TMEM184B: variants seen among roughly 807,000 people sequenced by gnomAD.
TMEM184B encodes the protein putative MAPK-activating protein FM08.
A neutral mutation model predicts 41.8 loss-of-function variants in TMEM184B; 17 were observed. That is an observed-to-expected ratio of 0.41 (90% CI 0.28 to 0.61). The LOEUF is 0.61. Among genes scored for constraint, TMEM184B ranks in the 20% least tolerant of loss-of-function variants. TMEM184B has a pLI of 0.34. For missense variants in TMEM184B, 393 were observed against 557.8 expected, an observed-to-expected ratio of 0.70 and a Z score of 2.98; for synonymous variants, 240 against 229.5, an observed-to-expected ratio of 1.05 and a Z score of -0.41.
intron 3 of TMEM184B, 84 bp downstream of exon 3, chr22:38,245,851 A>T: frequency 1.4e-6 from 2 of 1,393,342 alleles, no homozygotes; most frequent in Non-Finnish European, 2.0e-6. Context: ...GTCCTCATGA[A>T]GCCCCTCGGG....
chr22:38,225,601 AC>A lies in TMEM184B; in HGVS notation c.618-9del, dbSNP rs775150680. 2.5e-6 allele frequency: 4 copies of A among 1,601,472 alleles called. No individual in the cohort carries two copies. The East Asian group carries it at 9.1e-5, about 37-fold the overall frequency. On this transcript the variant is annotated splice_polypyrimidine_tract_variant and intron_variant, in intron 6 of 8. Transcript: ENST00000361906. This position sits in a 1 kb window ranked among gnomAD's most constrained non-coding sequence, Gnocchi z 4.4. Reference sequence around the variant, plus strand: ...AGGTAGCCACTGGTGACGCTGCGGGACGGGGAGCATTTTCTGGCTGGGACAG... The same window carrying A: ...AGGTAGCCACTGGTGACGCTGCGGGAGGGGAGCATTTTCTGGCTGGGACAG...
At chr22:38,250,202 G>A (rs924477017) in intron 1 of TMEM184B, among the ~76,000 whole-genome samples, 3 of 152,252 alleles carry the variant, frequency 2.0e-5, no homozygotes, top group African/African-American at 4.8e-5. Flanking sequence ...CTGGCCCCGC[G>A]ATGCAGAGGA....
chr22:38,219,755 C>T lies in TMEM184B; in HGVS notation c.*1714G>A, dbSNP rs777986621. 10 of 985,600 alleles carry T rather than the reference C, an allele frequency of 1.0e-5. No individual in the cohort carries two copies. Among genetic ancestry groups the T allele is most frequent in the Non-Finnish European group, 1.2e-5 (10 of 830,136 alleles). 61.1% of individuals were successfully genotyped at this position (985,600 alleles called of 1,614,324 possible). On this transcript the variant is annotated 3_prime_UTR_variant, in exon 9 of 9. Transcript: ENST00000361906. ...AAGGGAAGCCACGGTGGAGAGACAG[C>T]TTGGTGAAAGCAGATGGCGGGGCAG...
At chr22:38,267,984 T>C (rs1396559739) in intron 1 of TMEM184B, among the ~76,000 whole-genome samples, 1 of 152,164 alleles carries the variant, frequency 6.6e-6, no homozygotes, top group Non-Finnish European at 1.5e-5. Flanking sequence ...CGTGAACAAA[T>C]GCTACCTGGG....
intron 1 of TMEM184B, among the ~76,000 whole-genome samples, chr22:38,260,077 A>G (rs1286023858): frequency 6.6e-6 from 1 of 151,596 alleles, no homozygotes; most frequent in Non-Finnish European, 1.5e-5. Context: ...CGTCCTGCTA[A>G]TTTTGTATTC....
intron 1 of TMEM184B, among the ~76,000 whole-genome samples, chr22:38,248,515 CT>C (rs1181557694): frequency 1.3e-5 from 2 of 152,264 alleles, no homozygotes; most frequent in Non-Finnish European, 2.9e-5. Flanking sequence ...CCCACCCTTC[CT>C]TTAGGTCTCT....
At chr22:38,244,214 A>G (rs899574620) in intron 3 of TMEM184B, among the ~76,000 whole-genome samples, 1 of 152,094 alleles carries the variant, frequency 6.6e-6, no homozygotes, top group African/African-American at 2.4e-5. Context: ...TTCAACGTGG[A>G]GAGGAAGAGA....
intron 1 of TMEM184B, among the ~76,000 whole-genome samples, chr22:38,252,486 C>A (rs1041841744): frequency 6.6e-6 from 1 of 152,214 alleles, no homozygotes; most frequent in Non-Finnish European, 1.5e-5. Flanking sequence ...TGCCAGGCAC[C>A]GGCAGACCCA....
intron 3 of TMEM184B, among the ~76,000 whole-genome samples, chr22:38,242,205 C>T (rs1038132733): frequency 6.6e-6 from 1 of 151,670 alleles, no homozygotes; most frequent in Non-Finnish European, 1.5e-5. Flanking sequence ...TGGTGGCTCA[C>T]GCCTGTAATC....
At chr22:38,260,814 T>C (rs1293898498) in intron 1 of TMEM184B, among the ~76,000 whole-genome samples, 1 of 152,192 alleles carries the variant, frequency 6.6e-6, no homozygotes, top group Non-Finnish European at 1.5e-5. Context: ...GTATTTGCTC[T>C]CTTTAAATCT....
chr22:38,256,977 G>GTTTTTTTTTTTTTT (rs777863582), intron 1 of TMEM184B, among the ~76,000 whole-genome samples: 14 of 124,290 alleles, frequency 1.1e-4, no homozygotes, highest in African/African-American at 2.8e-4. Flanking sequence ...GACATTAATA[G>GTTTTTTTTTTTTTT]TTTTTTTTTT....
intron 8 of TMEM184B, chr22:38,222,175 A>T (rs138450920): frequency 5.4e-6 from 1 of 184,982 alleles, no homozygotes; most frequent in Non-Finnish European, 1.1e-5. Context: ...TACTCTGGAG[A>T]TCAGGACCAG....
intron 1 of TMEM184B, among the ~76,000 whole-genome samples, chr22:38,249,708 G>A (rs1437435100): frequency 6.6e-6 from 1 of 152,218 alleles, no homozygotes; most frequent in African/African-American, 2.4e-5. Flanking sequence ...TGAGGAAGGA[G>A]GCAGTCGATT....
intron 8 of TMEM184B, 175 bp from the exon 9 acceptor site, chr22:38,221,885 A>G: frequency 1.0e-6 from 1 of 968,090 alleles, no homozygotes; most frequent in South Asian, 1.7e-5. Flanking sequence ...GCAGGAAAAA[A>G]TGGACTTCTT....
intron 1 of TMEM184B, among the ~76,000 whole-genome samples, chr22:38,259,844 C>T (rs759180240): frequency 2.0e-5 from 3 of 151,032 alleles, no homozygotes; most frequent in Non-Finnish European, 3.0e-5. Flanking sequence ...GGTGCGATCT[C>T]GGCTCACTGC....
intron 1 of TMEM184B, among the ~76,000 whole-genome samples, chr22:38,268,267 G>A (rs1276009011): frequency 6.6e-6 from 1 of 151,446 alleles, no homozygotes; most frequent in Non-Finnish European, 1.5e-5. Context: ...TGTAATCCCC[G>A]CTACTTGGGA....
intron 1 of TMEM184B, among the ~76,000 whole-genome samples, chr22:38,253,337 A>C (rs958321879): frequency 6.6e-6 from 1 of 152,182 alleles, no homozygotes; most frequent in Admixed American, 6.5e-5. Flanking sequence ...TGGGAGGCCA[A>C]GGTGGGTGGA....
At chr22:38,262,617 A>G (rs1377862642) in intron 1 of TMEM184B, among the ~76,000 whole-genome samples, 2 of 152,236 alleles carry the variant, frequency 1.3e-5, no homozygotes, top group African/African-American at 2.4e-5. Flanking sequence ...TTCAGAAATC[A>G]TGACGTGAGC....
chr22:38,219,189 A>G (rs1448477121), downstream of TMEM184B: 2 of 883,130 alleles, frequency 2.3e-6, no homozygotes, highest in Non-Finnish European at 2.7e-6. Flanking sequence ...ACACACAGGA[A>G]GGAGAGGGTT....
Sources: allele counts gnomAD v4.1 joint callset (sites outside exome capture counted in the v4.1 genomes callset), GRCh38; gene constraint gnomAD v4.1.1; non-coding constraint Gnocchi (gnomAD v3.1); transcripts MANE v1.5; gene names NCBI Gene and HGNC (gene_info 2026-07-23, HGNC 2026-07-21).